Variants in SPEF2 observed in about 807,000 individuals in gnomAD.
SPEF2 encodes the protein sperm flagella and cilia-associated protein 2.
SPEF2 carries 187 observed loss-of-function variants against 224.6 expected under a neutral mutation model. The ratio of observed to expected loss-of-function variants is 0.83; its 90% CI spans 0.74 to 0.94. The LOEUF (loss-of-function observed/expected upper bound fraction) is 0.94, where lower values mean the gene tolerates loss of function less well. Among genes scored for constraint, SPEF2 ranks in the 40% least tolerant of loss-of-function variants. SPEF2 has a pLI of 0.00. For missense variants in SPEF2, 2,170 were observed against 2,135.6 expected (o/e 1.02, Z -0.32); for synonymous variants, 715 against 707.3 (o/e 1.01, Z -0.17).
intron 20 of SPEF2, among the ~76,000 whole-genome samples, chr5:35,726,082 T>C (rs192691740): frequency 6.1e-4 from 93 of 152,298 alleles, no homozygotes; most frequent in Non-Finnish European, 1.1e-3. Context: ...AAGATTTTGT[T>C]CAAAAGTGAA....
rs187456496 is a variant in SPEF2 at position 35,662,177 on chromosome 5, G to C, written c.1167+2970G>C. ...TTGATTTGCATGTATCTAATGGTCA[G>C]TGATGTTAAGCTTTTTTTTCACGTT... On this transcript the variant is annotated intron_variant, in intron 8 of 36. Coordinates refer to ENST00000356031, the MANE Select transcript of SPEF2 (RefSeq NM_024867.4). Among the ~76,000 whole-genome samples the C allele has an allele frequency of 2.8e-4, 42 of 152,228 alleles. 1 individual carries two copies. The highest frequency in any genetic ancestry group is 9.1e-4 in the African/African-American group (38 of 41,536).
chr5:35,736,911 A>AT (rs1168682510), intron 21 of SPEF2, among the ~76,000 whole-genome samples: 2 of 32,482 alleles, frequency 6.2e-5, no homozygotes, highest in Non-Finnish European at 1.6e-4. Flanking sequence ...TGCCTGGAGC[A>AT]TCCAAAAAAA....
chr5:35,680,587 T>G (rs947452553), intron 10 of SPEF2, among the ~76,000 whole-genome samples: 1 of 152,156 alleles, frequency 6.6e-6, no homozygotes, highest in Non-Finnish European at 1.5e-5. Flanking sequence ...AAGACAGAGA[T>G]CCTTCCCTCC....
chr5:35,644,277 CAA>C (rs1040812752), intron 3 of SPEF2, 76 bp from the exon 4 acceptor site: 9 of 1,248,626 alleles, frequency 7.2e-6, no homozygotes, highest in African/African-American at 3.1e-5. Context: ...ATTTTGAAGA[CAA>C]ATTTTATTTG....
intron 1 of SPEF2, among the ~76,000 whole-genome samples, chr5:35,626,056 G>T (rs1000826208): frequency 7.9e-5 from 12 of 152,180 alleles, no homozygotes; most frequent in African/African-American, 2.9e-4. Flanking sequence ...TCAGTGCCTA[G>T]GTTATGAAGC....
chr5:35,679,709 G>T (rs1752526420), intron 10 of SPEF2, among the ~76,000 whole-genome samples: 1 of 152,120 alleles, frequency 6.6e-6, no homozygotes, highest in African/African-American at 2.4e-5. Context: ...CCCACTCCAG[G>T]ACTCAGCCCA....
rs1432106007 is a variant in SPEF2, at chr5:35,799,946, T to C, written c.4831-22T>C. The C allele has an allele frequency of 1.9e-6, 3 of 1,613,230 alleles. No individual in the cohort carries two copies. In the South Asian group the frequency reaches 3.3e-5, roughly 18 times the overall value. ...CTATGAGAGTGCACCCATTTTATCTTTGGAATTCTTTTTGTGTGCAGTTTT... is the reference window on the plus strand; with the variant it reads ...CTATGAGAGTGCACCCATTTTATCTCTGGAATTCTTTTTGTGTGCAGTTTT... On this transcript the variant is annotated intron_variant, in intron 33 of 36. Coordinates refer to ENST00000356031, the MANE Select transcript of SPEF2 (RefSeq NM_024867.4).
chr5:35,777,578 A>C (rs1753768066), intron 29 of SPEF2, among the ~76,000 whole-genome samples: 1 of 151,212 alleles, frequency 6.6e-6, no homozygotes, highest in Non-Finnish European at 1.5e-5. Flanking sequence ...TATTTCTCAG[A>C]TTTATATTGT....
intron 8 of SPEF2, among the ~76,000 whole-genome samples, chr5:35,665,213 G>T (rs1006325026): frequency 6.6e-6 from 1 of 151,978 alleles, no homozygotes; most frequent in African/African-American, 2.4e-5. Flanking sequence ...GGTGTAGCAG[G>T]GAGCAAGGCC....
chr5:35,796,611 A>AG (rs200346283), intron 33 of SPEF2, among the ~76,000 whole-genome samples: 3,043 of 147,256 alleles, frequency 0.021, 75 homozygotes, highest in South Asian at 0.053. Flanking sequence ...GACTGTCTCA[A>AG]AAAAAAAAAA....
At chr5:35,772,293 C>T (rs1283575997) in intron 27 of SPEF2, among the ~76,000 whole-genome samples, 1 of 152,078 alleles carries the variant, frequency 6.6e-6, no homozygotes, top group Non-Finnish European at 1.5e-5. Context: ...AAGTGGAATC[C>T]TGGGAAGCAA....
intron 34 of SPEF2, among the ~76,000 whole-genome samples, chr5:35,802,698 A>G: frequency 6.6e-6 from 1 of 152,188 alleles, no homozygotes; most frequent in East Asian, 1.9e-4. Context: ...TGAGGACAAC[A>G]GTGAGTGCAA....
intron 2 of SPEF2, among the ~76,000 whole-genome samples, chr5:35,634,770 C>G (rs890280974): frequency 1.3e-5 from 2 of 152,004 alleles, no homozygotes; most frequent in Non-Finnish European, 2.9e-5. Flanking sequence ...TTGTACATAT[C>G]TATTCGTACC....
intron 20 of SPEF2, among the ~76,000 whole-genome samples, chr5:35,715,760 A>G (rs1437688681): frequency 7.1e-6 from 1 of 141,254 alleles, no homozygotes; most frequent in Non-Finnish European, 1.6e-5. Flanking sequence ...CCCTAGTTTC[A>G]TTTATGTTCT....
intron 30 of SPEF2, among the ~76,000 whole-genome samples, chr5:35,780,307 A>G (rs902552013): frequency 2.0e-5 from 3 of 152,194 alleles, no homozygotes; most frequent in Admixed American, 6.5e-5. Context: ...TATCATTAGT[A>G]AAAAGAGCAT....
intron 3 of SPEF2, 100 bp from the exon 4 acceptor site, chr5:35,644,255 T>G: frequency 9.4e-7 from 1 of 1,066,302 alleles, no homozygotes; most frequent in Non-Finnish European, 1.3e-6. Context: ...CAATAGTAAT[T>G]TAAAGAATTT....
intron 10 of SPEF2, among the ~76,000 whole-genome samples, chr5:35,685,662 T>A (rs183988011): frequency 1.1e-3 from 163 of 152,176 alleles, no homozygotes; most frequent in African/African-American, 3.6e-3. Context: ...AAGCCAAAAA[T>A]GTGACTTGCT....
chr5:35,788,252 T>C (rs1274008676), intron 30 of SPEF2: 1 of 703,014 alleles, frequency 1.4e-6, no homozygotes, highest in African/African-American at 1.7e-5. Flanking sequence ...AGAGAACTTA[T>C]TCAGATCATG....
At chr5:35,775,357 A>C (rs1282281212) in intron 28 of SPEF2, among the ~76,000 whole-genome samples, 1 of 152,168 alleles carries the variant, frequency 6.6e-6, no homozygotes, top group East Asian at 1.9e-4. Flanking sequence ...CGGAATTGGA[A>C]GACTATGGAT....
Sources: allele counts gnomAD v4.1 joint callset (sites outside exome capture counted in the v4.1 genomes callset), GRCh38; gene constraint gnomAD v4.1.1; transcripts MANE v1.5; gene names NCBI Gene and HGNC (gene_info 2026-07-23, HGNC 2026-07-21).